Variants in PRRC1 observed in about 807,000 individuals in gnomAD.
PRRC1 encodes the protein proline rich coiled-coil 1, also known as protein PRRC1.
PRRC1 carries 39 observed loss-of-function variants against 40.7 expected under a neutral mutation model. The ratio of observed to expected loss-of-function variants is 0.96; its 90% CI spans 0.74 to 1.25. PRRC1 has a LOEUF of 1.25. PRRC1 is among the 50% of genes most tolerant of loss of function. The probability of loss-of-function intolerance (pLI) is 0.00; values close to 1 mark genes in which losing one functional copy is unlikely to be tolerated. For synonymous variants in PRRC1, 175 were observed against 193.3 expected (o/e 0.91, Z 0.79); for missense variants, 573 against 548.3 (o/e 1.05, Z -0.45).
chr5:127,550,917 C>A (rs1188068696), intron 8 of PRRC1: 1 of 152,078 alleles, frequency 6.6e-6, no homozygotes, highest in African/African-American at 2.4e-5. Context: ...TGTAGAGTTT[C>A]CAATTCAGTT....
intron 6 of PRRC1, among the ~76,000 whole-genome samples, chr5:127,536,331 ATG>A (rs1218324754): frequency 6.6e-6 from 1 of 152,094 alleles, no homozygotes. Flanking sequence ...TAAAATAAGT[ATG>A]TATACATGAT....
intron 1 of PRRC1, among the ~76,000 whole-genome samples, chr5:127,519,135 A>G (rs990951662): frequency 6.6e-6 from 1 of 152,218 alleles, no homozygotes; most frequent in Admixed American, 6.5e-5. Flanking sequence ...GACTTCTACT[A>G]GTCATTGTAA....
At chr5:127,537,361 G>A (rs1767926629) in intron 6 of PRRC1, among the ~76,000 whole-genome samples, 1 of 151,618 alleles carries the variant, frequency 6.6e-6, no homozygotes, top group Non-Finnish European at 1.5e-5. Flanking sequence ...CATTGGTAGG[G>A]ACTAATATTA....
chr5:127,524,879 A>G lies in PRRC1; in HGVS notation c.452A>G (p.Gln151Arg). The change falls in exon 3 of 9, where the codon CAG becomes CGG. Residue 151 changes from glutamine (Q) to arginine (R), a missense_variant. Physicochemically the swap from Gln to Arg is conservative, Grantham distance 43. Transcript: ENST00000296666. The stretch of plus-strand genomic sequence containing the variant: ...AGGGGACATGCTGGGAGAGCTCCCC[A>G]GACACCCCTGATGCCATCATTTTCT... ...ITRGHAGRAP[Q>R]TPLMPSFSAP... 6.2e-7 allele frequency: 1 copy of G among 1,613,710 alleles called. No homozygotes were observed. The highest frequency in any genetic ancestry group is 8.5e-7 in the Non-Finnish European group (1 of 1,179,756).
rs542899574 is a variant in PRRC1 at position 127,539,153 on chromosome 5, TTA to T, written c.1025+12_1025+13del. On this transcript the variant is annotated intron_variant, in intron 7 of 8. Coordinates refer to ENST00000296666, the MANE Select transcript of PRRC1 (RefSeq NM_130809.5). The stretch of plus-strand genomic sequence containing the variant: ...AATTGCTGCCTGACAAGTAAGTGTA[TTA>T]TGTTTCTCTTGGAAGCAAAATATAA... 19,199 of 1,605,792 alleles carry T rather than the reference TTA, an allele frequency of 0.012. 164 individuals carry two copies. The highest frequency in any genetic ancestry group is 0.014 in the Non-Finnish European group (16,922 of 1,172,906).
Position 127,526,720 on chromosome 5 carries a change from C to A in PRRC1, c.596C>A (p.Pro199His). 1 of 1,613,148 alleles carries A rather than the reference C, an allele frequency of 6.2e-7. No individual in the cohort carries two copies. The highest frequency in any genetic ancestry group is 8.5e-7 in the Non-Finnish European group (1 of 1,179,452). ...ACTTTCCCAGAGGAGCAAGAAGACC[C>A]TAGAATTACTAGAGGTCAGGATGAA... ...AITFPEEQED[P>H]RITRGQDEAS... Residue 199 changes from proline (P) to histidine (H), a missense_variant, in exon 4 of 9, where the codon CCT becomes CAT. Coordinates refer to ENST00000296666, the MANE Select transcript of PRRC1 (RefSeq NM_130809.5).
intron 8 of PRRC1, 178 bp downstream of exon 8, chr5:127,548,099 A>G (rs541492776): frequency 3.1e-6 from 2 of 649,468 alleles, no homozygotes; most frequent in Admixed American, 2.6e-5. Context: ...TTGTTTTAGT[A>G]CCTTCCTCCT....
chr5:127,551,560 A>C, intron 8 of PRRC1, 147 bp from the exon 9 acceptor site: 1 of 759,798 alleles, frequency 1.3e-6, no homozygotes, highest in South Asian at 1.9e-5. Flanking sequence ...TTGTAAGTTG[A>C]TATAGTTGGC....
intron 7 of PRRC1, among the ~76,000 whole-genome samples, chr5:127,544,375 GCTGCGTGCTGGGAGAACCA>G (rs1478524663): frequency 6.6e-6 from 1 of 152,250 alleles, no homozygotes; most frequent in African/African-American, 2.4e-5. Flanking sequence ...CAGATCTCCA[GCTGCGTGCTGGGAGAACCA>G]CTGCTCTCTT....
chr5:127,543,691 A>C (rs1481534654), intron 7 of PRRC1, among the ~76,000 whole-genome samples: 4 of 151,932 alleles, frequency 2.6e-5, no homozygotes, highest in Non-Finnish European at 4.4e-5. Context: ...TGCATTCTTC[A>C]TGTAGTTCTC....
At chr5:127,543,575 T>C (rs1158646120) in intron 7 of PRRC1, among the ~76,000 whole-genome samples, 2 of 152,226 alleles carry the variant, frequency 1.3e-5, no homozygotes, top group Non-Finnish European at 2.9e-5. Context: ...TTCGTTTCTT[T>C]TTATTCTTTT....
Position 127,524,839 on chromosome 5 carries a change from A to G in PRRC1, c.412A>G (p.Thr138Ala), listed in dbSNP as rs754511369. 5.0e-6 allele frequency: 8 copies of G among 1,614,064 alleles called. No homozygotes were observed. The highest frequency in any genetic ancestry group is 4.2e-6 in the Non-Finnish European group (5 of 1,180,036). ...TATATCAGGATTTTCTGTTGGTTCA[A>G]CTTATGACATTACAAGGGGACATGC... ...PPISGFSVGS[T>A]YDITRGHAGR... Residue 138 changes from threonine (T) to alanine (A), a missense_variant, in exon 3 of 9, where the codon ACT becomes GCT. Physicochemically the swap from Thr to Ala is moderately conservative, Grantham distance 58. Coordinates refer to ENST00000296666, the MANE Select transcript of PRRC1 (RefSeq NM_130809.5).
intron 6 of PRRC1, among the ~76,000 whole-genome samples, chr5:127,535,685 C>T (rs1767881505): frequency 6.6e-6 from 1 of 152,102 alleles, no homozygotes; most frequent in Non-Finnish European, 1.5e-5. Context: ...CTTATAATAG[C>T]CTGCATTTTT....
intron 6 of PRRC1, among the ~76,000 whole-genome samples, chr5:127,536,335 A>G (rs1359066411): frequency 1.3e-5 from 2 of 152,088 alleles, no homozygotes; most frequent in Admixed American, 6.6e-5. Flanking sequence ...ATAAGTATGT[A>G]TACATGATAA....
chr5:127,533,244 T>G (rs912910603), intron 5 of PRRC1, among the ~76,000 whole-genome samples: 1 of 152,166 alleles, frequency 6.6e-6, no homozygotes, highest in African/African-American at 2.4e-5. Context: ...TATTTCATGG[T>G]AGTGCTTGTT....
chr5:127,554,171 G>A lies in PRRC1; in HGVS notation c.*2255G>A, dbSNP rs906192399. 7.4e-6 allele frequency: 2 copies of A among 269,162 alleles called. No individual in the cohort carries two copies. The highest frequency in any genetic ancestry group is 5.2e-5 in the Admixed American group (1 of 19,218). The allele number at this position is 269,162 out of a possible 1,614,324, so 16.7% of individuals were successfully genotyped here. On this transcript the variant is annotated 3_prime_UTR_variant, in exon 9 of 9. Coordinates refer to ENST00000296666, the MANE Select transcript of PRRC1 (RefSeq NM_130809.5). ...TCTTAGTGGTGGTGTTTAGGCATAA[G>A]ATATGCTGATCATCAGTCTCAGGCC...
At chr5:127,524,030 TG>T in intron 2 of PRRC1, 1 of 159,688 alleles carries the variant, frequency 6.3e-6, no homozygotes, top group Non-Finnish European at 1.4e-5. Flanking sequence ...CTCACCACCA[TG>T]CTCAGCTAAT....
intron 4 of PRRC1, 69 bp from the exon 5 acceptor site, chr5:127,530,225 T>A: frequency 1.4e-6 from 2 of 1,412,866 alleles, no homozygotes; most frequent in South Asian, 2.5e-5. Flanking sequence ...AAAGTTTTCT[T>A]CACAATCATG....
intron 7 of PRRC1, among the ~76,000 whole-genome samples, chr5:127,542,542 A>G (rs1308424008): frequency 1.3e-5 from 2 of 151,108 alleles, no homozygotes; most frequent in Non-Finnish European, 3.0e-5. Context: ...GACTTGCTTT[A>G]TGAATCTGGG....
Sources: gnomAD v4.1 joint callset for allele counts (sites outside exome capture counted in the v4.1 genomes callset) on GRCh38, gnomAD v4.1.1 for gene constraint, MANE v1.5 for transcripts, NCBI Gene and HGNC (gene_info 2026-07-23, HGNC 2026-07-21) for gene names.